The following SLC9C2 variants were observed in gnomAD, a reference collection of about 807,000 sequenced individuals.
The protein encoded by SLC9C2 is solute carrier family 9 member C2 (putative).
SLC9C2 carries 75 observed loss-of-function variants against 140.2 expected under a neutral mutation model. That is an observed-to-expected ratio of 0.53 (90% confidence interval 0.44 to 0.65). The LOEUF is 0.65. Among genes scored for constraint, SLC9C2 ranks in the 30% least tolerant of loss-of-function variants. The probability of loss-of-function intolerance (pLI) is 0.00; values close to 1 mark genes in which losing one functional copy is unlikely to be tolerated. For missense variants in SLC9C2, 1,074 were observed against 1,331.8 expected, an observed-to-expected ratio of 0.81 and a Z score of 3.01; for synonymous variants, 375 against 420.9, an observed-to-expected ratio of 0.89 and a Z score of 1.34.
At chr1:173,599,816 C>G (rs1666675837) in intron 3 of SLC9C2, among the ~76,000 whole-genome samples, 1 of 152,104 alleles carries the variant, frequency 6.6e-6, no homozygotes. Context: ...GTTGGCCAGG[C>G]TGGTCTCAAA....
intron 3 of SLC9C2, 38 bp from the exon 4 acceptor site, chr1:173,598,070 C>T: frequency 6.4e-7 from 1 of 1,550,512 alleles, no homozygotes; most frequent in Non-Finnish European, 8.7e-7. Context: ...TAGTTTGCTA[C>T]CATTTCCAAG....
rs200231892 is a variant in SLC9C2 at position 173,548,704 on chromosome 1, CAGA to C, written c.1298-155_1298-153del. The C allele has an allele frequency of 1.3e-3, 949 of 730,624 alleles. 7 individuals are homozygous for C. The African/African-American group carries it at 0.015, about 11-fold the overall frequency. 45.3% of individuals were successfully genotyped at this position (730,624 alleles called of 1,614,324 possible). On this transcript the variant is annotated intron_variant, in intron 11 of 27. Coordinates refer to ENST00000367714, the MANE Select transcript of SLC9C2 (RefSeq NM_178527.4). ...GGACAATTTTTCATACAAAACTTTC[CAGA>C]AGATTACCCAACTATTTGTTTCTTT...
chr1:173,537,575 T>C (rs2102010708), intron 13 of SLC9C2, among the ~76,000 whole-genome samples: 1 of 146,636 alleles, frequency 6.8e-6, no homozygotes, highest in East Asian at 2.1e-4. Flanking sequence ...AATTTATATG[T>C]GTGTGTGTAT....
intron 17 of SLC9C2, among the ~76,000 whole-genome samples, chr1:173,531,214 G>A (rs145598238): frequency 1.3e-5 from 2 of 152,330 alleles, no homozygotes; most frequent in African/African-American, 4.8e-5. Context: ...AAAATAGTGA[G>A]TGTTCAATTA....
At chr1:173,585,641 C>A (rs1346865664) in intron 5 of SLC9C2, among the ~76,000 whole-genome samples, 2 of 152,040 alleles carry the variant, frequency 1.3e-5, no homozygotes, top group African/African-American at 4.8e-5. Context: ...AAGAGCCAAC[C>A]CAATACCTTC....
intron 11 of SLC9C2, 42 bp from the exon 12 acceptor site, chr1:173,548,594 G>A: frequency 6.2e-7 from 1 of 1,609,240 alleles, no homozygotes; most frequent in South Asian, 1.1e-5. Flanking sequence ...AGAGTACAGT[G>A]AGGACTGCAA....
intron 4 of SLC9C2, among the ~76,000 whole-genome samples, chr1:173,589,021 T>C (rs1398475963): frequency 6.6e-6 from 1 of 152,180 alleles, no homozygotes; most frequent in African/African-American, 2.4e-5. Context: ...GAGGTTGCAA[T>C]GAACCATGAT....
chr1:173,547,377 C>T (rs1234310332), intron 13 of SLC9C2, among the ~76,000 whole-genome samples: 1 of 149,846 alleles, frequency 6.7e-6, no homozygotes, highest in Non-Finnish European at 1.5e-5. Context: ...TTTATAAAAG[C>T]AATTTTAAAT....
chr1:173,530,428 G>T (rs955013170), intron 17 of SLC9C2, among the ~76,000 whole-genome samples: 2 of 152,090 alleles, frequency 1.3e-5, no homozygotes, highest in African/African-American at 4.8e-5. Flanking sequence ...CCTAACCTGG[G>T]TCATAGTTAC....
At chr1:173,508,938 TAC>T (rs955977285) in intron 24 of SLC9C2, among the ~76,000 whole-genome samples, 69 of 152,232 alleles carry the variant, frequency 4.5e-4, no homozygotes, top group African/African-American at 1.6e-3. Flanking sequence ...CAATAATAAA[TAC>T]AGACAGAGCG....
At position 173,601,656 on chromosome 1, in the gene SLC9C2, A is replaced by G. The variant is rs1417157676; in HGVS notation, c.121T>C (p.Leu41=). ...FTTLVCFIVV[L]GGLLKMCLKN... ...TTCAAAAACAACCACCTACCTCCCA[A>G]AACAACAATGAAGCATACAAGCGTT... The change falls in exon 2 of 28, where the codon TTG becomes CTG. Residue 41 remains leucine (L), a synonymous_variant. Transcript: ENST00000367714. The G allele has an allele frequency of 6.2e-7, 1 of 1,613,322 alleles. No individual in the cohort carries two copies. Among genetic ancestry groups the G allele is most frequent in the Non-Finnish European group, 8.5e-7 (1 of 1,179,774 alleles).
chr1:173,600,363 C>A, intron 2 of SLC9C2, 146 bp from the exon 3 acceptor site: 12 of 286,334 alleles, frequency 4.2e-5, no homozygotes, highest in East Asian at 1.1e-4. Flanking sequence ...TGGGATGGTG[C>A]AAAAGTGATA....
chr1:173,513,240 A>C (rs764976024), intron 23 of SLC9C2, among the ~76,000 whole-genome samples: 1 of 152,118 alleles, frequency 6.6e-6, no homozygotes, highest in Non-Finnish European at 1.5e-5. Flanking sequence ...AAGGAATGGT[A>C]CCAGCTTCTC....
At chr1:173,546,036 A>G (rs1475325089) in intron 13 of SLC9C2, among the ~76,000 whole-genome samples, 3 of 152,152 alleles carry the variant, frequency 2.0e-5, no homozygotes, top group East Asian at 1.9e-4. Context: ...CACTTTTGCC[A>G]TATTTTATGC....
chr1:173,572,721 T>C (rs1344715289), intron 9 of SLC9C2, among the ~76,000 whole-genome samples: 1 of 152,256 alleles, frequency 6.6e-6, no homozygotes, highest in Non-Finnish European at 1.5e-5. Context: ...ACATGGTAAC[T>C]GCATTATCAC....
chr1:173,567,469 T>G lies in SLC9C2; in HGVS notation c.1046+5713A>C, dbSNP rs190659174. ...CTTGAAATGTATTTTGTCTGAAGTATAGCTACTCTTGCTCTTTTTTGGTTT... is the reference window on the plus strand; with the variant it reads ...CTTGAAATGTATTTTGTCTGAAGTAGAGCTACTCTTGCTCTTTTTTGGTTT... On this transcript the variant is annotated intron_variant, in intron 9 of 27. Coordinates refer to ENST00000367714, the MANE Select transcript of SLC9C2 (RefSeq NM_178527.4). 1.2e-4 allele frequency among the ~76,000 whole-genome samples: 18 copies of G among 152,254 alleles called. No homozygotes were observed. In the East Asian group the frequency reaches 3.1e-3, roughly 26 times the overall value.
intron 23 of SLC9C2, among the ~76,000 whole-genome samples, chr1:173,516,322 T>C (rs879437425): frequency 3.3e-5 from 5 of 152,236 alleles, no homozygotes; most frequent in Admixed American, 2.0e-4. Context: ...ATTCCTTTTT[T>C]AAGTTTTAAG....
chr1:173,507,508 GCA>G (rs148480049), intron 24 of SLC9C2, among the ~76,000 whole-genome samples: 35 of 127,926 alleles, frequency 2.7e-4, no homozygotes, highest in Non-Finnish European at 4.8e-4. Context: ...GTTGAATTGT[GCA>G]CACACACACA....
intron 23 of SLC9C2, among the ~76,000 whole-genome samples, chr1:173,513,786 AT>A (rs1405851065): frequency 6.6e-6 from 1 of 152,172 alleles, no homozygotes; most frequent in African/African-American, 2.4e-5. Flanking sequence ...TGATGTGGGC[AT>A]TTAGTGCTAT....
Sources: allele counts gnomAD v4.1 joint callset (sites outside exome capture counted in the v4.1 genomes callset), GRCh38; gene constraint gnomAD v4.1.1; transcripts MANE v1.5; gene names NCBI Gene and HGNC (gene_info 2026-07-23, HGNC 2026-07-21).